The following SORCS2 variants were observed in gnomAD, a reference collection of about 807,000 sequenced individuals.
SORCS2 encodes the protein sortilin related VPS10 domain containing receptor 2, also known as VPS10 domain-containing receptor SorCS2.
Under a neutral mutation model 141.6 loss-of-function variants are expected in SORCS2, and 100 were observed. The ratio of observed to expected loss-of-function variants is 0.71; its 90% CI spans 0.60 to 0.83. The LOEUF (loss-of-function observed/expected upper bound fraction) is 0.83, where lower values mean the gene tolerates loss of function less well. SORCS2 is among the 40% of genes least tolerant of loss of function. The pLI is 0.00. For missense variants in SORCS2, 1,646 were observed against 1,560.2 expected, an observed-to-expected ratio of 1.05 and a Z score of -0.93; for synonymous variants, 789 against 676.9, an observed-to-expected ratio of 1.17 and a Z score of -2.57.
chr4:7,455,580 G>A lies in SORCS2; in HGVS notation c.548+59225G>A, dbSNP rs533694026. 9.4e-5 allele frequency among the ~76,000 whole-genome samples: 13 copies of A among 137,610 alleles called. No individual in the cohort carries two copies. The South Asian group carries it at 3.2e-3, about 34-fold the overall frequency. The allele number at this position is 137,610 out of a possible 152,430, so 90.3% of individuals were successfully genotyped here. On this transcript the variant is annotated intron_variant, in intron 2 of 26. Transcript: ENST00000507866. Reference sequence around the variant, plus strand: ...AGGCACTGTGTTGGGGTCAGGAGCTGTGTGTTGGGGTCAGGTGCTGTGTGT... The same window carrying A: ...AGGCACTGTGTTGGGGTCAGGAGCTATGTGTTGGGGTCAGGTGCTGTGTGT...
chr4:7,272,356 C>T (rs920355253), intron 1 of SORCS2, among the ~76,000 whole-genome samples: 2 of 152,146 alleles, frequency 1.3e-5, no homozygotes, highest in Non-Finnish European at 2.9e-5. Flanking sequence ...CTTTATTCAC[C>T]CCTGAAGAAT....
intron 1 of SORCS2, among the ~76,000 whole-genome samples, chr4:7,195,547 G>C (rs532370598): frequency 6.6e-6 from 1 of 152,216 alleles, no homozygotes. Context: ...GGGAGCAGGC[G>C]AGGCTGCAGG....
chr4:7,531,584 C>T lies in SORCS2; in HGVS notation c.603C>T (p.Thr201=), dbSNP rs367985554. 1 of 1,613,894 alleles carries T rather than the reference C, an allele frequency of 6.2e-7. No individual in the cohort carries two copies. Among genetic ancestry groups the T allele is most frequent in the African/African-American group, 1.3e-5 (1 of 75,080 alleles). ...AGCTCACCCTCCAGCCTGGTGTCAC[C>T]ACCGTCATCGACAATTTCTACATCT... is the stretch of plus-strand genomic sequence containing the variant. ...YTKLTLQPGV[T]TVIDNFYICP... The change falls in exon 3 of 27, where the codon ACC becomes ACT. Residue 201 remains threonine (T), a synonymous_variant. Coordinates refer to ENST00000507866, the MANE Select transcript of SORCS2 (RefSeq NM_020777.3).
rs1279954526 is a variant in SORCS2, at chr4:7,506,133, C to CG, written c.549-25393dup. Among the ~76,000 whole-genome samples, 3 of 152,178 alleles carry CG rather than the reference C, an allele frequency of 2.0e-5. No homozygotes were observed. In the East Asian group the frequency reaches 5.8e-4, roughly 30 times the overall value. On this transcript the variant is annotated intron_variant, in intron 2 of 26. Transcript: ENST00000507866. ...GGTGATCCCAGTGGTAGGGACACTC[C>CG]GGGGTCTGTGTCTGCTGACAGCCAC...
chr4:7,637,288 G>C (rs1038923828), intron 3 of SORCS2, among the ~76,000 whole-genome samples: 11 of 149,996 alleles, frequency 7.3e-5, no homozygotes, highest in Non-Finnish European at 1.3e-4. Context: ...TCTGCCTCCT[G>C]CTCAGTCCCC....
At chr4:7,479,237 A>G (rs1730483306) in intron 2 of SORCS2, among the ~76,000 whole-genome samples, 1 of 151,758 alleles carries the variant, frequency 6.6e-6, no homozygotes, top group Non-Finnish European at 1.5e-5. Context: ...CGCACACAGG[A>G]CACAGGACAT....
intron 8 of SORCS2, among the ~76,000 whole-genome samples, chr4:7,674,172 G>T (rs1191265581): frequency 1.3e-5 from 2 of 152,026 alleles, no homozygotes; most frequent in Non-Finnish European, 2.9e-5. Flanking sequence ...CCCTGGTTCT[G>T]TGTGTCTCGG....
chr4:7,647,587 A>G (rs980634016), intron 4 of SORCS2, among the ~76,000 whole-genome samples: 5 of 152,182 alleles, frequency 3.3e-5, no homozygotes, highest in Non-Finnish European at 7.3e-5. Context: ...CCCTTGTGAC[A>G]GTGGTGGGGT....
intron 3 of SORCS2, among the ~76,000 whole-genome samples, chr4:7,610,895 G>A (rs922396300): frequency 6.6e-6 from 1 of 152,158 alleles, no homozygotes; most frequent in Non-Finnish European, 1.5e-5. Context: ...GGGGCTCCCC[G>A]TGATGGGCAG....
intron 3 of SORCS2, among the ~76,000 whole-genome samples, chr4:7,560,409 C>G (rs941692058): frequency 6.6e-6 from 1 of 152,024 alleles, no homozygotes; most frequent in African/African-American, 2.4e-5. Context: ...AGACAGACCC[C>G]GCTGTCAGGT....
intron 1 of SORCS2, among the ~76,000 whole-genome samples, chr4:7,337,311 C>T (rs1720047339): frequency 6.6e-6 from 1 of 152,134 alleles, no homozygotes; most frequent in Non-Finnish European, 1.5e-5. Context: ...GTGCGGTCTG[C>T]TGGCCGAGAG....
chr4:7,591,409 C>A (rs746919284), intron 3 of SORCS2, among the ~76,000 whole-genome samples: 1 of 152,150 alleles, frequency 6.6e-6, no homozygotes, highest in Non-Finnish European at 1.5e-5. Context: ...GGTGCTACCC[C>A]CTGCGAGCTC....
intron 10 of SORCS2, among the ~76,000 whole-genome samples, chr4:7,683,731 G>C (rs1723708278): frequency 6.6e-6 from 1 of 152,208 alleles, no homozygotes; most frequent in Non-Finnish European, 1.5e-5. Context: ...ATAGAGCTGG[G>C]CCAGAGTTCA....
intron 2 of SORCS2, among the ~76,000 whole-genome samples, chr4:7,429,743 G>A (rs1374583013): frequency 3.3e-5 from 5 of 152,226 alleles, no homozygotes; most frequent in Admixed American, 6.5e-5. Flanking sequence ...GGACTTGCAC[G>A]TGGACATATC....
rs538649488 is a variant in SORCS2, at chr4:7,621,535, G to A, written c.649-16793G>A. ...TATGTTTATGTGTGTGTCTATGTGTGAGTATGTGTGTGTGTGTGTTTGTGT... is the reference window on the plus strand; with the variant it reads ...TATGTTTATGTGTGTGTCTATGTGTAAGTATGTGTGTGTGTGTGTTTGTGT... On this transcript the variant is annotated intron_variant, in intron 3 of 26. Transcript: ENST00000507866. Among the ~76,000 whole-genome samples, 732 of 151,838 alleles carry A rather than the reference G, an allele frequency of 4.8e-3. 5 individuals are homozygous for A. Among genetic ancestry groups the A allele is most frequent in the African/African-American group, 0.014 (586 of 41,372 alleles).
At chr4:7,571,180 C>T (rs568612048) in intron 3 of SORCS2, among the ~76,000 whole-genome samples, 8 of 152,350 alleles carry the variant, frequency 5.3e-5, no homozygotes, top group East Asian at 1.9e-4. Context: ...AGCATTTACT[C>T]GTTAGGTTTT....
At chr4:7,534,165 ATGAATGAATGAG>A (rs1711905360) in intron 3 of SORCS2, among the ~76,000 whole-genome samples, 2 of 152,220 alleles carry the variant, frequency 1.3e-5, no homozygotes, top group South Asian at 2.1e-4. Context: ...AAGGAATGGG[ATGAATGAATGAG>A]TGAATGAATG....
chr4:7,566,518 G>A lies in SORCS2; in HGVS notation c.648+34889G>A, dbSNP rs572219360. Reference sequence around the variant, plus strand: ...ACAGATGAGGAAACTGACTATCAGAGGCCACACAGCAGGTTAGAGTTGGAA... The same window carrying A: ...ACAGATGAGGAAACTGACTATCAGAAGCCACACAGCAGGTTAGAGTTGGAA... On this transcript the variant is annotated intron_variant, in intron 3 of 26. Transcript: ENST00000507866. 2.6e-5 allele frequency among the ~76,000 whole-genome samples: 4 copies of A among 152,308 alleles called. No individual in the cohort carries two copies. In the South Asian group the frequency reaches 8.3e-4, roughly 32 times the overall value.
chr4:7,425,421 G>A lies in SORCS2; in HGVS notation c.548+29066G>A, dbSNP rs145977995. Among the ~76,000 whole-genome samples, 562 of 152,326 alleles carry A rather than the reference G, an allele frequency of 3.7e-3. 3 individuals carry two copies. The highest frequency in any genetic ancestry group is 0.014 in the Middle Eastern group (4 of 294). On this transcript the variant is annotated intron_variant, in intron 2 of 26. Transcript: ENST00000507866. ...TGCTGTCCTGGTTTCGGTTTCCCCCGTGTCCTGGGAATGGCAGTCTGAGAA... is the reference window on the plus strand; with the variant it reads ...TGCTGTCCTGGTTTCGGTTTCCCCCATGTCCTGGGAATGGCAGTCTGAGAA...
Sources: allele counts gnomAD v4.1 joint callset (sites outside exome capture counted in the v4.1 genomes callset), GRCh38; gene constraint gnomAD v4.1.1; transcripts MANE v1.5; gene names NCBI Gene and HGNC (gene_info 2026-07-23, HGNC 2026-07-21).